Variants in LRCH3 observed in about 807,000 individuals in gnomAD.
The protein encoded by LRCH3 is DISP complex protein LRCH3.
Under a neutral mutation model 104.5 loss-of-function variants are expected in LRCH3, and 68 were observed. The observed-to-expected ratio is 0.65, with a 90% CI of 0.54 to 0.80. The LOEUF is 0.80. Among genes scored for constraint, LRCH3 ranks in the 30% least tolerant of loss-of-function variants. The pLI is 0.00. For missense variants in LRCH3, 951 were observed against 953.9 expected, an observed-to-expected ratio of 1.00 and a Z score of 0.04; for synonymous variants, 344 against 361.3, an observed-to-expected ratio of 0.95 and a Z score of 0.54.
At position 197,815,011 on chromosome 3, in the gene LRCH3, G is replaced by A; in HGVS notation, c.366G>A (p.Glu122=). ...AAAATTGTATTCGTTATATTCCAGA[G>A]GCAATTTTAAACCTACAAGCTCTAA... ...LYQNCIRYIP[E]AILNLQALTF... The change falls in exon 2 of 21, where the codon GAG becomes GAA. Residue 122 remains glutamate (E), a synonymous_variant. Coordinates refer to ENST00000425562, the MANE Select transcript of LRCH3 (RefSeq NM_001365715.1). 6.4e-7 allele frequency: 1 copy of A among 1,559,494 alleles called. No individual in the cohort carries two copies. Among genetic ancestry groups the A allele is most frequent in the Non-Finnish European group, 8.8e-7 (1 of 1,138,948 alleles).
intron 1 of LRCH3, 62 bp downstream of exon 1, chr3:197,791,602 G>A (rs1175075131): frequency 1.6e-5 from 23 of 1,467,786 alleles, no homozygotes; most frequent in Admixed American, 8.6e-5. Context: ...CGCCCCGGCC[G>A]GGGGAGGCGG....
chr3:197,838,223 C>T (rs767433491), intron 9 of LRCH3, among the ~76,000 whole-genome samples: 11 of 152,316 alleles, frequency 7.2e-5, no homozygotes, highest in Admixed American at 3.9e-4. Flanking sequence ...AGTTTGAGGC[C>T]GGCCTGGGCC....
chr3:197,838,815 T>A (rs1323556820), intron 9 of LRCH3, among the ~76,000 whole-genome samples: 1 of 152,236 alleles, frequency 6.6e-6, no homozygotes, highest in Admixed American at 6.5e-5. Flanking sequence ...GTCTTGATAT[T>A]CACCGACACA....
chr3:197,869,431 C>G lies in LRCH3; in HGVS notation c.1874-729C>G, dbSNP rs60106787. On this transcript the variant is annotated intron_variant, in intron 17 of 20. Transcript: ENST00000425562. The stretch of plus-strand genomic sequence containing the variant: ...ACTGTACCTGCAGGAGGTAGAAAGC[C>G]GTGCACTGTACCTGCAGGAGGTAGA... 7.2e-4 allele frequency among the ~76,000 whole-genome samples: 81 copies of G among 112,818 alleles called. 1 individual carries two copies. Among genetic ancestry groups the G allele is most frequent in the Middle Eastern group, 6.3e-3 (1 of 160 alleles). 74.0% of individuals were successfully genotyped at this position (112,818 alleles called of 152,430 possible). A position where few individuals can be genotyped will look rare whatever the true frequency, so the allele number is the denominator to read the frequency against.
chr3:197,801,010 G>A (rs967136463), intron 1 of LRCH3, among the ~76,000 whole-genome samples: 2 of 151,176 alleles, frequency 1.3e-5, no homozygotes, highest in South Asian at 2.1e-4. Flanking sequence ...CAGGAGAATC[G>A]CTTGAACTTG....
Position 197,791,287 on chromosome 3 carries a change from C to T in LRCH3, c.9C>T (p.Ala3=), listed in dbSNP as rs749469059. The change falls in exon 1 of 21, where the codon GCC becomes GCT. Residue 3 remains alanine, a synonymous_variant. Transcript: ENST00000425562. The part of the protein sequence containing the change: MA[A]AGLVAVAAAA... ...GTGTTGTCGGCTGGGAAATGGCGGCCGCGGGCTTGGTCGCTGTGGCAGCGG... is the reference window on the plus strand; with the variant it reads ...GTGTTGTCGGCTGGGAAATGGCGGCTGCGGGCTTGGTCGCTGTGGCAGCGG... The T allele has an allele frequency of 2.1e-5, 34 of 1,608,208 alleles. No individual in the cohort carries two copies. The highest frequency in any genetic ancestry group is 3.3e-4 in the Middle Eastern group (2 of 6,062).
At chr3:197,867,862 A>AAAAC (rs1247305866) in intron 17 of LRCH3, among the ~76,000 whole-genome samples, 8 of 152,028 alleles carry the variant, frequency 5.3e-5, no homozygotes, top group South Asian at 2.1e-4. Context: ...TTCAAAAACA[A>AAAAC]AAACAAACAA....
intron 10 of LRCH3, among the ~76,000 whole-genome samples, chr3:197,842,080 C>A (rs1474806992): frequency 6.6e-6 from 1 of 152,096 alleles, no homozygotes; most frequent in Non-Finnish European, 1.5e-5. Flanking sequence ...AGTACTAACC[C>A]TCCTGCTTTG....
Position 197,813,510 on chromosome 3 carries a change from A to ATTTT in LRCH3, c.263-1363_263-1360dup, listed in dbSNP as rs57062885. ...CCGTTCTTCTAATGGGAGGCATATAATTTTTTTTTTTTTTTTTTTTTTTTT... is the reference window on the plus strand; with the variant it reads ...CCGTTCTTCTAATGGGAGGCATATAATTTTTTTTTTTTTTTTTTTTTTTTTTTTT... On this transcript the variant is annotated intron_variant, in intron 1 of 20. Transcript: ENST00000425562. Among the ~76,000 whole-genome samples, 29 of 66,066 alleles carry ATTTT rather than the reference A, an allele frequency of 4.4e-4. 3 individuals are homozygous for ATTTT. The highest frequency in any genetic ancestry group is 3.8e-4 in the Non-Finnish European group (12 of 31,722). The allele number at this position is 66,066 out of a possible 152,430, so 43.3% of individuals were successfully genotyped here. A position where few individuals can be genotyped will look rare whatever the true frequency, so the allele number is the denominator to read the frequency against.
intron 17 of LRCH3, among the ~76,000 whole-genome samples, chr3:197,868,321 G>T (rs1048052411): frequency 3.5e-5 from 5 of 141,912 alleles, no homozygotes; most frequent in Non-Finnish European, 7.4e-5. Context: ...ATTAAGTATT[G>T]TAAGTAACAG....
At chr3:197,813,000 C>G (rs1156523578) in intron 1 of LRCH3, among the ~76,000 whole-genome samples, 1 of 152,158 alleles carries the variant, frequency 6.6e-6, no homozygotes, top group African/African-American at 2.4e-5. Flanking sequence ...GCAAAGGTTC[C>G]AATTTCTCCA....
chr3:197,833,127 A>C (rs1395862042), intron 8 of LRCH3, among the ~76,000 whole-genome samples: 3 of 152,148 alleles, frequency 2.0e-5, no homozygotes, highest in African/African-American at 7.2e-5. Flanking sequence ...CATATGAGGT[A>C]TCTTTCTCCA....
intron 4 of LRCH3, among the ~76,000 whole-genome samples, chr3:197,822,118 G>A (rs972783501): frequency 1.3e-5 from 2 of 152,154 alleles, no homozygotes; most frequent in African/African-American, 2.4e-5. Flanking sequence ...GTGTAAGAAC[G>A]TGACCTTTTC....
chr3:197,880,166 C>T (rs915579275), intron 20 of LRCH3, among the ~76,000 whole-genome samples: 32 of 151,868 alleles, frequency 2.1e-4, no homozygotes, highest in African/African-American at 5.8e-4. Flanking sequence ...GGGATGGTCT[C>T]GATCTCCTGA....
At chr3:197,812,504 G>GTGTTTTTTTTTTTT (rs1733250059) in intron 1 of LRCH3, among the ~76,000 whole-genome samples, 1 of 48,956 alleles carries the variant, frequency 2.0e-5, no homozygotes, top group Non-Finnish European at 3.5e-5. Context: ...TCTGCTTTCA[G>GTGTTTTTTTTTTTT]TTTTTTTTTT....
At chr3:197,816,785 A>C (rs1373742926) in intron 2 of LRCH3, among the ~76,000 whole-genome samples, 1 of 152,214 alleles carries the variant, frequency 6.6e-6, no homozygotes. Flanking sequence ...TTTTGTTTAT[A>C]ATCTTCAGAA....
Position 197,871,402 on chromosome 3 carries a change from T to C in LRCH3, c.2070T>C (p.His690=). The C allele has an allele frequency of 6.2e-7, 1 of 1,614,204 alleles. No homozygotes were observed. Among genetic ancestry groups the C allele is most frequent in the Non-Finnish European group, 8.5e-7 (1 of 1,180,024 alleles). Residue 690 remains histidine, a synonymous_variant, in exon 19 of 21, where the codon CAT becomes CAC. Coordinates refer to ENST00000425562, the MANE Select transcript of LRCH3 (RefSeq NM_001365715.1). The part of the protein sequence containing the change: ...AALTDGVVLC[H]LANHVRPRSV... ...TAACTGACGGTGTTGTTCTTTGCCATTTGGCCAATCATGTGCGACCTCGAT... is the reference window on the plus strand; with the variant it reads ...TAACTGACGGTGTTGTTCTTTGCCACTTGGCCAATCATGTGCGACCTCGAT...
At chr3:197,847,174 T>C (rs538188357) in intron 10 of LRCH3, among the ~76,000 whole-genome samples, 2 of 152,236 alleles carry the variant, frequency 1.3e-5, no homozygotes, top group Non-Finnish European at 2.9e-5. Context: ...TTGGCTGACA[T>C]AGACAGTTGA....
At chr3:197,814,533 AC>A (rs1359871089) in intron 1 of LRCH3, among the ~76,000 whole-genome samples, 1 of 152,206 alleles carries the variant, frequency 6.6e-6, no homozygotes, top group African/African-American at 2.4e-5. Flanking sequence ...ATTTCAGTCT[AC>A]TGCAGTCATC....
Sources: allele counts gnomAD v4.1 joint callset (sites outside exome capture counted in the v4.1 genomes callset), GRCh38; gene constraint gnomAD v4.1.1; transcripts MANE v1.5; gene names NCBI Gene and HGNC (gene_info 2026-07-23, HGNC 2026-07-21).